SIK3: variants seen among roughly 807,000 people sequenced by gnomAD.
SIK3 encodes the protein SIK family kinase 3, also known as serine/threonine-protein kinase SIK3.
SIK3 carries 28 observed loss-of-function variants against 144.2 expected under a neutral mutation model. The observed-to-expected ratio is 0.19, with a 90% CI of 0.14 to 0.27. SIK3 has a LOEUF of 0.27. Ranked by LOEUF, SIK3 falls within the 10% of genes least tolerant of loss-of-function variation. SIK3 has a pLI of 1.00. For synonymous variants in SIK3, 686 were observed against 676.3 expected (o/e 1.01, Z -0.22); for missense variants, 1,319 against 1,776.0 (o/e 0.74, Z 4.62).
chr11:116,870,097 T>C, intron 14 of SIK3: 1 of 1,501,556 alleles, frequency 6.7e-7, no homozygotes, highest in Non-Finnish European at 8.9e-7. Flanking sequence ...GAAAAAGTTC[T>C]TATGGTTATT....
In SIK3 at chr11:116,844,629, A is replaced by ACAC. The variant is rs1491171268; in HGVS notation, c.*1013_*1014insGTG. 2 of 42,458 alleles carry ACAC rather than the reference A, an allele frequency of 4.7e-5. No homozygotes were observed. The highest frequency in any genetic ancestry group is 4.4e-4 in the Admixed American group (2 of 4,578). 2.6% of individuals were successfully genotyped at this position (42,458 alleles called of 1,614,324 possible). On this transcript the variant is annotated 3_prime_UTR_variant, in exon 25 of 25. Coordinates refer to ENST00000445177, the MANE Select transcript of SIK3 (RefSeq NM_001366686.3). ...TATATTATATATATAATATATATAT[A>ACAC]ATATATTATATTATATATTATATAT...
chr11:117,050,633 G>A (rs1236151513), intron 1 of SIK3, among the ~76,000 whole-genome samples: 1 of 151,698 alleles, frequency 6.6e-6, no homozygotes, highest in East Asian at 1.9e-4. Context: ...GTTGCAGTGA[G>A]CCGAGATCAC....
intron 1 of SIK3, among the ~76,000 whole-genome samples, chr11:117,082,929 G>A (rs1871756): frequency 0.32 from 47,945 of 151,846 alleles, 8,597 homozygotes; most frequent in African/African-American, 0.49. Context: ...ACAGATTGTC[G>A]CAAGCAACTC....
chr11:116,865,818 GA>G (rs1271062092), intron 15 of SIK3, among the ~76,000 whole-genome samples: 9 of 152,096 alleles, frequency 5.9e-5, no homozygotes, highest in African/African-American at 2.2e-4. Flanking sequence ...TATAGCCTTG[GA>G]AAGTTTCTCA....
chr11:116,994,401 C>T (rs912501092), intron 1 of SIK3, among the ~76,000 whole-genome samples: 1 of 152,188 alleles, frequency 6.6e-6, no homozygotes, highest in African/African-American at 2.4e-5. Flanking sequence ...GATTCTGGTT[C>T]CTGGAGCCAC....
chr11:116,876,065 AC>A, intron 8 of SIK3, 56 bp from the exon 9 acceptor site: 1 of 1,601,254 alleles, frequency 6.2e-7, no homozygotes, highest in Non-Finnish European at 8.5e-7. Context: ...CATGTTGATG[AC>A]CAGAACCCTT....
intron 1 of SIK3, among the ~76,000 whole-genome samples, chr11:116,996,705 A>C (rs2135585239): frequency 6.6e-6 from 1 of 151,272 alleles, no homozygotes; most frequent in Admixed American, 6.6e-5. Context: ...CTGTAATCCC[A>C]GCTACTCAAG....
At chr11:117,056,196 T>TA in intron 1 of SIK3, among the ~76,000 whole-genome samples, 1 of 152,180 alleles carries the variant, frequency 6.6e-6, no homozygotes, top group East Asian at 1.9e-4. Context: ...TATTTAGCCA[T>TA]AAAAAAGGAT....
chr11:116,970,009 C>T (rs1195297555), intron 1 of SIK3, among the ~76,000 whole-genome samples: 1 of 152,216 alleles, frequency 6.6e-6, no homozygotes, highest in African/African-American at 2.4e-5. Flanking sequence ...GGCACAGTGG[C>T]TCACACCTGC....
chr11:116,940,731 G>A (rs562497639), intron 3 of SIK3, among the ~76,000 whole-genome samples: 14 of 149,564 alleles, frequency 9.4e-5, no homozygotes, highest in East Asian at 3.9e-4. Context: ...ACCCACCCCC[G>A]CCAGCTCCCC....
intron 1 of SIK3, among the ~76,000 whole-genome samples, chr11:116,997,509 C>T (rs1259227649): frequency 6.6e-6 from 1 of 152,120 alleles, no homozygotes; most frequent in East Asian, 1.9e-4. Context: ...TACTTACTGA[C>T]TTAAAAATTT....
chr11:116,959,638 C>T lies in SIK3; in HGVS notation c.274-2574G>A, dbSNP rs1949270602. ...CAGGGAGTCATATAGTGGGGCCTCC[C>T]TGATTCACAAGGCACTCACTCTAAA... On this transcript the variant is annotated intron_variant, in intron 1 of 24. Transcript: ENST00000445177. Among the ~76,000 whole-genome samples, 3 of 152,096 alleles carry T rather than the reference C, an allele frequency of 2.0e-5. No individual in the cohort carries two copies. The South Asian group carries it at 6.2e-4, about 32-fold the overall frequency.
At chr11:117,058,641 G>A (rs760048243) in intron 1 of SIK3, among the ~76,000 whole-genome samples, 1 of 152,088 alleles carries the variant, frequency 6.6e-6, no homozygotes, top group Non-Finnish European at 1.5e-5. Context: ...AGAATCAGCT[G>A]CAATGGAGGA....
At chr11:117,052,299 G>C (rs982597901) in intron 1 of SIK3, among the ~76,000 whole-genome samples, 1 of 152,078 alleles carries the variant, frequency 6.6e-6, no homozygotes, top group African/African-American at 2.4e-5. Flanking sequence ...TCAAAGTAAG[G>C]CTTTATAAAT....
At chr11:116,907,364 T>G (rs1565436831) in intron 4 of SIK3, among the ~76,000 whole-genome samples, 1 of 152,296 alleles carries the variant, frequency 6.6e-6, no homozygotes, top group African/African-American at 2.4e-5. Flanking sequence ...ATTTAAAAAT[T>G]TGCCAGGCAC....
At chr11:116,986,184 CAG>C (rs766602205) in intron 1 of SIK3, among the ~76,000 whole-genome samples, 6 of 152,170 alleles carry the variant, frequency 3.9e-5, no homozygotes, top group African/African-American at 7.2e-5. Flanking sequence ...TAGTGTCAGG[CAG>C]ACACTCCCAA....
At chr11:117,081,969 G>GTTAATAGACATAATAGACATAATA (rs1246640914) in intron 1 of SIK3, among the ~76,000 whole-genome samples, 25 of 152,056 alleles carry the variant, frequency 1.6e-4, no homozygotes, top group African/African-American at 6.0e-4. Flanking sequence ...ATTCAAAAAT[G>GTTAATAGACATAATAGACATAATA]GGCAAAGGAT....
At chr11:116,883,679 A>C (rs745606164) in intron 6 of SIK3, among the ~76,000 whole-genome samples, 1 of 152,242 alleles carries the variant, frequency 6.6e-6, no homozygotes, top group Non-Finnish European at 1.5e-5. Flanking sequence ...CACGCCTATA[A>C]TCCCAGCACT....
intron 3 of SIK3, among the ~76,000 whole-genome samples, chr11:116,949,755 C>T (rs1331377133): frequency 2.6e-5 from 4 of 152,216 alleles, no homozygotes; most frequent in Non-Finnish European, 5.9e-5. Context: ...ATGTCCTTTA[C>T]CACAACCTCC....
Sources: allele counts gnomAD v4.1 joint callset (sites outside exome capture counted in the v4.1 genomes callset), GRCh38; gene constraint gnomAD v4.1.1; transcripts MANE v1.5; gene names NCBI Gene and HGNC (gene_info 2026-07-23, HGNC 2026-07-21).